Variants in PSAP observed in about 807,000 individuals in gnomAD.
PSAP encodes precursor of saposins.
A neutral mutation model predicts 66.0 loss-of-function variants in PSAP; 25 were observed. The ratio of observed to expected loss-of-function variants is 0.38; its 90% CI spans 0.28 to 0.53. The LOEUF (loss-of-function observed/expected upper bound fraction) is 0.53, where lower values mean the gene tolerates loss of function less well. Ranked by LOEUF, PSAP falls within the 20% of genes least tolerant of loss-of-function variation. PSAP has a pLI of 0.83. For missense variants in PSAP, 649 were observed against 668.8 expected, an observed-to-expected ratio of 0.97 and a Z score of 0.33; for synonymous variants, 273 against 258.9, an observed-to-expected ratio of 1.05 and a Z score of -0.52.
chr10:71,834,331 G>A lies in PSAP; in HGVS notation c.174+41C>T, dbSNP rs754837071. 3 of 1,611,886 alleles carry A rather than the reference G, an allele frequency of 1.9e-6. 1 individual carries two copies. In the South Asian group the frequency reaches 3.3e-5, roughly 18 times the overall value. ...TTACAGCTGTTCTAAGGGGACCCAA[G>A]AGGAGTGCTGCGGCTGGGACTGGAG... On this transcript the variant is annotated intron_variant, in intron 2 of 13. Coordinates refer to ENST00000394936, the MANE Select transcript of PSAP (RefSeq NM_002778.4).
At chr10:71,819,671 C>T (rs1247347172) in intron 10 of PSAP, 43 bp downstream of exon 10, 1 of 1,614,090 alleles carries the variant, frequency 6.2e-7, no homozygotes, top group Non-Finnish European at 8.5e-7. Context: ...CTCCCAGACC[C>T]AAGAGGGGCA....
At chr10:71,830,000 AAAAT>A (rs556675162) in intron 4 of PSAP, among the ~76,000 whole-genome samples, 3 of 152,234 alleles carry the variant, frequency 2.0e-5, no homozygotes, top group African/African-American at 4.8e-5. Flanking sequence ...CAGTCTCAAA[AAAAT>A]AAATAAATAA....
intron 2 of PSAP, among the ~76,000 whole-genome samples, chr10:71,833,421 GCA>G (rs1842559212): frequency 6.6e-6 from 1 of 152,220 alleles, no homozygotes; most frequent in Non-Finnish European, 1.5e-5. Flanking sequence ...TTGTGCCACT[GCA>G]CTCCAGCCTA....
Position 71,834,408 on chromosome 10 carries a change from C to A in PSAP, c.138G>T (p.Lys46Asn), listed in dbSNP as rs752562258. 7.4e-6 allele frequency: 12 copies of A among 1,614,040 alleles called. No homozygotes were observed. The highest frequency in any genetic ancestry group is 8.5e-6 in the Non-Finnish European group (10 of 1,180,004). ...TGTTCCAAACGGTCTGCAGGCAGTG[C>A]TTCACTGCCCCGCAGTCGGACGCCG... ...VKTASDCGAV[K>N]HCLQTVWNKP... Residue 46 changes from lysine (K) to asparagine (N), a missense_variant, in exon 2 of 14, where the codon AAG (lysine) becomes AAT (asparagine). Coordinates refer to ENST00000394936, the MANE Select transcript of PSAP (RefSeq NM_002778.4).
chr10:71,831,227 T>C lies in PSAP; in HGVS notation c.274A>G (p.Lys92Glu), dbSNP rs1407669473. ...GGTTTCGGAAGCCAGTCACAGGTCT[T>C]CTCCAAGTAAACAAGGATCTCCTCC... ...TEEEILVYLEKTCDWLPKPNM... is the reference protein window; with the variant it reads ...TEEEILVYLEETCDWLPKPNM... The change falls in exon 4 of 14, where the codon AAG (lysine) becomes GAG (glutamate). Residue 92 changes from lysine to glutamate, a missense_variant. Coordinates refer to ENST00000394936, the MANE Select transcript of PSAP (RefSeq NM_002778.4). 6.2e-7 allele frequency: 1 copy of C among 1,614,012 alleles called. No homozygotes were observed. Among genetic ancestry groups the C allele is most frequent in the Admixed American group, 1.7e-5 (1 of 60,010 alleles).
chr10:71,817,967 A>G lies in PSAP; in HGVS notation c.1540-491T>C, dbSNP rs559549227. Among the ~76,000 whole-genome samples, 8 of 152,312 alleles carry G rather than the reference A, an allele frequency of 5.3e-5. 1 individual carries two copies. In the South Asian group the frequency reaches 1.7e-3, roughly 32 times the overall value. On this transcript the variant is annotated intron_variant, in intron 13 of 13. Transcript: ENST00000394936. ...GAGGAAAGAGCTGGACATGGCCAGA[A>G]TGGGGGCCCCCTGCCCCTCCCTGCA...
chr10:71,821,136 G>A (rs954363148), intron 8 of PSAP, among the ~76,000 whole-genome samples: 5 of 152,204 alleles, frequency 3.3e-5, no homozygotes, highest in South Asian at 2.1e-4. Flanking sequence ...CTGACACTTC[G>A]GCCTGGCCCC....
chr10:71,835,280 C>T (rs1197476359), intron 1 of PSAP, among the ~76,000 whole-genome samples: 1 of 150,964 alleles, frequency 6.6e-6, no homozygotes, highest in Non-Finnish European at 1.5e-5. Flanking sequence ...AAAATTCATA[C>T]CCTTATAACA....
In PSAP at chr10:71,818,953, C is replaced by A. The variant is rs114828036; in HGVS notation, c.1431+78G>T. On this transcript the variant is annotated intron_variant, in intron 12 of 13. Transcript: ENST00000394936. ...GAGACTCCACCCCACGGCCAAGTCT[C>A]AGAGCAACCCTTCCGGGTCTCTGCA... 9.0e-6 allele frequency: 4 copies of A among 444,966 alleles called. No individual in the cohort carries two copies. The East Asian group carries it at 1.3e-4, about 14-fold the overall frequency. 27.6% of individuals were successfully genotyped at this position (444,966 alleles called of 1,614,324 possible).
At position 71,817,425 on chromosome 10, in the gene PSAP, T is replaced by G. The variant is rs199602243; in HGVS notation, c.*16A>C. On this transcript the variant is annotated 3_prime_UTR_variant, in exon 14 of 14. Coordinates refer to ENST00000394936, the MANE Select transcript of PSAP (RefSeq NM_002778.4). Reference sequence around the variant, plus strand: ...ACCAATGCTGTGGTTTCTGCCAAGATGGAATATTCCTCCTCCTAGTTCCAC... The same window carrying G: ...ACCAATGCTGTGGTTTCTGCCAAGAGGGAATATTCCTCCTCCTAGTTCCAC... 1 of 1,613,806 alleles carries G rather than the reference T, an allele frequency of 6.2e-7. No homozygotes were observed. The highest frequency in any genetic ancestry group is 1.1e-5 in the South Asian group (1 of 91,080).
intron 1 of PSAP, among the ~76,000 whole-genome samples, chr10:71,843,421 A>G (rs1198787452): frequency 6.6e-6 from 1 of 151,536 alleles, no homozygotes; most frequent in Non-Finnish European, 1.5e-5. Flanking sequence ...TGCCTGAAAA[A>G]GAGACTTACT....
At chr10:71,843,255 C>T (rs985461920) in intron 1 of PSAP, among the ~76,000 whole-genome samples, 1 of 151,990 alleles carries the variant, frequency 6.6e-6, no homozygotes, top group African/African-American at 2.4e-5. Context: ...CTCTGAGCAC[C>T]AAGAAGGAAG....
chr10:71,832,050 A>G, intron 2 of PSAP, 130 bp from the exon 3 acceptor site: 2 of 915,674 alleles, frequency 2.2e-6, no homozygotes, highest in African/African-American at 1.6e-5. Flanking sequence ...CTCCTGTCAC[A>G]TCCTGGTTCT....
chr10:71,848,597 C>G (rs981388711), intron 1 of PSAP, among the ~76,000 whole-genome samples: 31 of 152,168 alleles, frequency 2.0e-4, no homozygotes, highest in African/African-American at 7.5e-4. Context: ...GTCTCTACCA[C>G]CAGGACATCA....
At chr10:71,831,715 A>G (rs1043079074) in intron 3 of PSAP, 131 bp downstream of exon 3, 21 of 893,072 alleles carry the variant, frequency 2.4e-5, no homozygotes, top group Admixed American at 3.4e-5. Flanking sequence ...TTTCTCCTTG[A>G]TCCTTTGTGG....
At position 71,817,510 on chromosome 10, in the gene PSAP, G is replaced by A. The variant is rs4747202; in HGVS notation, c.1540-34C>T. On this transcript the variant is annotated intron_variant, in intron 13 of 13. Transcript: ENST00000394936. ...AGAGAGGAAGCTGAGTTTAGTCTTC[G>A]GATGAAAAACTCCGTTCCCGGCCCA... The A allele has an allele frequency of 0.11, 180,983 of 1,610,128 alleles. 13,892 individuals are homozygous for A. Among genetic ancestry groups the A allele is most frequent in the East Asian group, 0.39 (17,330 of 44,850 alleles).
In PSAP at chr10:71,818,749, G is replaced by A. The variant is rs764882272; in HGVS notation, c.1432-25C>T. ...TCTATATGGTGAGAAAAGGAAAGAA[G>A]AAAGGGGGAGAATGAGAGCTGCCCG... On this transcript the variant is annotated intron_variant, in intron 12 of 13. Coordinates refer to ENST00000394936, the MANE Select transcript of PSAP (RefSeq NM_002778.4). 6 of 1,576,206 alleles carry A rather than the reference G, an allele frequency of 3.8e-6. No homozygotes were observed. The Admixed American group carries it at 5.0e-5, about 13-fold the overall frequency.
intron 1 of PSAP, among the ~76,000 whole-genome samples, chr10:71,837,797 G>A (rs1842654846): frequency 6.6e-6 from 1 of 152,232 alleles, no homozygotes; most frequent in South Asian, 2.1e-4. Flanking sequence ...AGAAAAGGCT[G>A]GCTACGTGGA....
intron 8 of PSAP, among the ~76,000 whole-genome samples, chr10:71,821,240 G>A (rs764509411): frequency 1.2e-4 from 18 of 152,218 alleles, no homozygotes; most frequent in Non-Finnish European, 1.8e-4. Flanking sequence ...AACAAGAAGC[G>A]TGTACATGTG....
Sources: allele counts gnomAD v4.1 joint callset (sites outside exome capture counted in the v4.1 genomes callset), GRCh38; gene constraint gnomAD v4.1.1; transcripts MANE v1.5; gene names NCBI Gene and HGNC (gene_info 2026-07-23, HGNC 2026-07-21).